The following CALN1 variants were observed in gnomAD, a reference collection of about 807,000 sequenced individuals.
CALN1 encodes calneuron 1.
A neutral mutation model predicts 30.6 loss-of-function variants in CALN1; 17 were observed. The observed-to-expected ratio is 0.56, with a 90% CI of 0.38 to 0.83. CALN1 has a LOEUF of 0.83. Among genes scored for constraint, CALN1 ranks in the 40% least tolerant of loss-of-function variants. CALN1 has a pLI of 0.00. For missense variants in CALN1, 291 were observed against 354.9 expected (o/e 0.82, Z 1.45); for synonymous variants, 156 against 131.4 (o/e 1.19, Z -1.28).
At chr7:72,099,856 T>A (rs903581381) in intron 4 of CALN1, among the ~76,000 whole-genome samples, 4 of 152,220 alleles carry the variant, frequency 2.6e-5, no homozygotes, top group South Asian at 2.1e-4. Flanking sequence ...CAAATAGAAA[T>A]TCGCTGCAAG....
chr7:72,346,992 T>C (rs184920466), intron 2 of CALN1, among the ~76,000 whole-genome samples: 1 of 152,024 alleles, frequency 6.6e-6, no homozygotes, highest in East Asian at 1.9e-4. Flanking sequence ...AAAGTGGGAA[T>C]AGAGAAAAGA....
chr7:72,063,134 C>G (rs1251323114), intron 4 of CALN1, among the ~76,000 whole-genome samples: 3 of 152,148 alleles, frequency 2.0e-5, no homozygotes, highest in African/African-American at 4.8e-5. Context: ...AAAAAAGGAT[C>G]AAGCTGTTCT....
At chr7:72,323,602 G>A (rs1243487580) in intron 2 of CALN1, among the ~76,000 whole-genome samples, 1 of 151,064 alleles carries the variant, frequency 6.6e-6, no homozygotes, top group African/African-American at 2.4e-5. Context: ...GGCAGAGGTT[G>A]CAGTGAGCTG....
At chr7:72,487,055 C>T in the CALN1 span, among the ~76,000 whole-genome samples, 2 of 152,088 alleles carry the variant, frequency 1.3e-5, no homozygotes, top group Non-Finnish European at 2.9e-5. Context: ...TCTCCTTCCT[C>T]TTCTTTCTTT....
At chr7:72,240,249 C>T (rs555048826) in intron 3 of CALN1, among the ~76,000 whole-genome samples, 1 of 151,462 alleles carries the variant, frequency 6.6e-6, no homozygotes, top group African/African-American at 2.4e-5. Context: ...AGCTGGAGCG[C>T]AGTAGAGTGA....
Position 71,860,480 on chromosome 7 carries a change from C to T in CALN1, c.502-49988G>A, listed in dbSNP as rs150395407. On this transcript the variant is annotated intron_variant, in intron 5 of 6. Coordinates refer to ENST00000395275, the MANE Select transcript of CALN1 (RefSeq NM_031468.4). Reference sequence around the variant, plus strand: ...TGCTGGGATTACAGGCATGAGCCACCGCACCCAGCCTTGAGCATTCTTTTA... The same window carrying T: ...TGCTGGGATTACAGGCATGAGCCACTGCACCCAGCCTTGAGCATTCTTTTA... Among the ~76,000 whole-genome samples, 14 of 152,284 alleles carry T rather than the reference C, an allele frequency of 9.2e-5. No individual in the cohort carries two copies. In the East Asian group the frequency reaches 1.7e-3, roughly 19 times the overall value.
chr7:71,827,556 A>C (rs904846049), intron 5 of CALN1, among the ~76,000 whole-genome samples: 1 of 152,058 alleles, frequency 6.6e-6, no homozygotes. Context: ...AGATCACTGG[A>C]GGTCGGGAGT....
chr7:71,889,940 G>A (rs1793140519), intron 5 of CALN1, among the ~76,000 whole-genome samples: 1 of 151,024 alleles, frequency 6.6e-6, no homozygotes, highest in Non-Finnish European at 1.5e-5. Context: ...ACACCAGCCT[G>A]GGTGACAGAT....
intron 2 of CALN1, among the ~76,000 whole-genome samples, chr7:72,292,462 C>T (rs1350180360): frequency 1.1e-4 from 16 of 147,738 alleles, no homozygotes; most frequent in Non-Finnish European, 1.5e-4. Flanking sequence ...GATTGGGTCA[C>T]TATATCATGA....
At chr7:72,336,300 C>T (rs2944820) in intron 2 of CALN1, among the ~76,000 whole-genome samples, 50,226 of 152,054 alleles carry the variant, frequency 0.33, 9,786 homozygotes, top group Middle Eastern at 0.51. Flanking sequence ...GAGTCCCCTG[C>T]CCTCCCTCCC....
At chr7:72,501,948 T>TAC in the CALN1 span, among the ~76,000 whole-genome samples, 231 of 72,330 alleles carry the variant, frequency 3.2e-3, 20 homozygotes, top group African/African-American at 0.013. Context: ...TATATATATA[T>TAC]ACACACATAT....
the CALN1 span, among the ~76,000 whole-genome samples, chr7:72,476,642 A>C: frequency 6.6e-6 from 1 of 152,186 alleles, no homozygotes; most frequent in Non-Finnish European, 1.5e-5. Context: ...TCGTAAAACC[A>C]ACCCCCTCAG....
At chr7:72,374,555 AAAG>A (rs1333431734) in intron 2 of CALN1, among the ~76,000 whole-genome samples, 8 of 129,888 alleles carry the variant, frequency 6.2e-5, no homozygotes, top group African/African-American at 1.5e-4. Context: ...AAAGGAAAAA[AAAG>A]AAAAAAAAAA....
At position 72,106,566 on chromosome 7, in the gene CALN1, A is replaced by G. The variant is rs532158079; in HGVS notation, c.245-272T>C. Among the ~76,000 whole-genome samples the G allele has an allele frequency of 2.0e-5, 3 of 149,236 alleles. No individual in the cohort carries two copies. In the East Asian group the frequency reaches 5.9e-4, roughly 30 times the overall value. ...GAAAAGGAAAGGGAGAAAGGGAGAG[A>G]GAAAAAGAGGAAGGTGGAAGGGAGA... is the stretch of plus-strand genomic sequence containing the variant. On this transcript the variant is annotated intron_variant, in intron 3 of 6. Coordinates refer to ENST00000395275, the MANE Select transcript of CALN1 (RefSeq NM_031468.4).
At chr7:71,990,015 G>A (rs1798865295) in intron 5 of CALN1, among the ~76,000 whole-genome samples, 1 of 152,118 alleles carries the variant, frequency 6.6e-6, no homozygotes, top group Non-Finnish European at 1.5e-5. Flanking sequence ...GATAAAATGA[G>A]GCTGAGACCT....
rs141018185 is a variant in CALN1 at position 72,338,542 on chromosome 7, G to A, written c.120-59732C>T. On this transcript the variant is annotated intron_variant, in intron 2 of 6. Coordinates refer to ENST00000395275, the MANE Select transcript of CALN1 (RefSeq NM_031468.4). ...GTGTGTGTGTGTCTCACCTGGGTGTGGTTTCAGAGTCCCTGAGGCACTCAT... is the reference window on the plus strand; with the variant it reads ...GTGTGTGTGTGTCTCACCTGGGTGTAGTTTCAGAGTCCCTGAGGCACTCAT... Among the ~76,000 whole-genome samples, 23 of 86,564 alleles carry A rather than the reference G, an allele frequency of 2.7e-4. No individual in the cohort carries two copies. The East Asian group carries it at 6.5e-3, about 25-fold the overall frequency. 56.8% of individuals were successfully genotyped at this position (86,564 alleles called of 152,430 possible). A position where few individuals can be genotyped will look rare whatever the true frequency, so the allele number is the denominator to read the frequency against.
In CALN1 at chr7:72,093,208, T is replaced by A. The variant is rs537080796; in HGVS notation, c.388+12943A>T. On this transcript the variant is annotated intron_variant, in intron 4 of 6. Transcript: ENST00000395275. ...TGTTACTTATGATTTTTAAAAATTATAATACTTAATATTGGTCAAAATGTT... is the reference window on the plus strand; with the variant it reads ...TGTTACTTATGATTTTTAAAAATTAAAATACTTAATATTGGTCAAAATGTT... 7.9e-5 allele frequency among the ~76,000 whole-genome samples: 12 copies of A among 152,358 alleles called. No individual in the cohort carries two copies. In the South Asian group the frequency reaches 2.1e-3, roughly 26 times the overall value.
At chr7:72,492,712 T>C in the CALN1 span, among the ~76,000 whole-genome samples, 2 of 152,154 alleles carry the variant, frequency 1.3e-5, no homozygotes, top group Non-Finnish European at 2.9e-5. Context: ...CTGGACCTGG[T>C]CATTATCTGT....
chr7:72,410,878 C>G (rs1169400415), intron 1 of CALN1, among the ~76,000 whole-genome samples: 1 of 152,140 alleles, frequency 6.6e-6, no homozygotes, highest in African/African-American at 2.4e-5. Flanking sequence ...TTTACTATCT[C>G]TGCTACTATT....
Sources: gnomAD v4.1 joint callset for allele counts (sites outside exome capture counted in the v4.1 genomes callset) on GRCh38, gnomAD v4.1.1 for gene constraint, MANE v1.5 for transcripts, NCBI Gene and HGNC (gene_info 2026-07-23, HGNC 2026-07-21) for gene names.